Variants in PTPN20 observed in about 807,000 individuals in gnomAD.
The protein encoded by PTPN20 is tyrosine-protein phosphatase non-receptor type 20.
Under a neutral mutation model 35.0 loss-of-function variants are expected in PTPN20, and 9 were observed. The ratio of observed to expected loss-of-function variants is 0.26; its 90% CI spans 0.15 to 0.45. The LOEUF is 0.45. Ranked by LOEUF, PTPN20 falls within the 20% of genes least tolerant of loss-of-function variation. PTPN20 has a pLI of 1.00. For missense variants in PTPN20, 111 were observed against 312.5 expected (o/e 0.36, Z 4.86); for synonymous variants, 32 against 100.2 (o/e 0.32, Z 4.06).
At chr10:46,982,374 G>A (rs2136574727) in intron 7 of PTPN20, among the ~76,000 whole-genome samples, 1 of 148,302 alleles carries the variant, frequency 6.7e-6, no homozygotes, top group East Asian at 2.0e-4. Context: ...CTTCTGTTTA[G>A]GGAGCTTTCC....
intron 9 of PTPN20, among the ~76,000 whole-genome samples, chr10:46,999,358 G>A (rs1321832688): frequency 1.3e-5 from 2 of 152,148 alleles, no homozygotes; most frequent in African/African-American, 4.8e-5. Flanking sequence ...TGCTGTGCCA[G>A]TGTCAAATTG....
chr10:47,002,235 C>T lies in PTPN20; in HGVS notation c.*1494C>T, dbSNP rs2060104357. ...TTGTATCTCTAATTTTATTTTCTCT[C>T]TGTTACTGTAAAATAATAGCTATAA... On this transcript the variant is annotated 3_prime_UTR_variant, in exon 11 of 11. Transcript: ENST00000374339. 1 of 152,186 alleles carries T rather than the reference C, an allele frequency of 6.6e-6. No individual in the cohort carries two copies. Among genetic ancestry groups the T allele is most frequent in the Admixed American group, 6.6e-5 (1 of 15,222 alleles). The allele number at this position is 152,186 out of a possible 1,614,324, so 9.4% of individuals were successfully genotyped here.
Position 46,999,793 on chromosome 10 carries a change from G to C in PTPN20, c.1135-119G>C, listed in dbSNP as rs1262093726. ...AGTTAAAAATAGCACATTTTCTTGT[G>C]AGTGAAAATGAGATCTTTCTGATTA... On this transcript the variant is annotated intron_variant, in intron 9 of 10. Transcript: ENST00000374339. 5.0e-6 allele frequency: 6 copies of C among 1,194,576 alleles called. No homozygotes were observed. The African/African-American group carries it at 6.1e-5, about 12-fold the overall frequency. 74.0% of individuals were successfully genotyped at this position (1,194,576 alleles called of 1,614,324 possible).
chr10:46,979,908 A>G (rs2054808651), intron 7 of PTPN20, among the ~76,000 whole-genome samples: 5 of 150,292 alleles, frequency 3.3e-5, no homozygotes, highest in Admixed American at 6.7e-5. Flanking sequence ...CTTCAGCCCT[A>G]TGTTGTAATT....
At chr10:46,954,439 AG>A in intron 5 of PTPN20, among the ~76,000 whole-genome samples, 1 of 147,486 alleles carries the variant, frequency 6.8e-6, no homozygotes, top group East Asian at 2.0e-4. Context: ...TAATTGATAT[AG>A]GACTATTTAG....
chr10:46,996,177 A>T (rs1191929333), intron 9 of PTPN20, among the ~76,000 whole-genome samples: 2 of 152,234 alleles, frequency 1.3e-5, no homozygotes, highest in African/African-American at 4.8e-5. Context: ...TGGAAATAAC[A>T]CAAGTGTAGT....
Position 47,001,840 on chromosome 10 carries a change from G to A in PTPN20, c.*1099G>A, listed in dbSNP as rs1459957450. 1 of 152,038 alleles carries A rather than the reference G, an allele frequency of 6.6e-6. No individual in the cohort carries two copies. The highest frequency in any genetic ancestry group is 1.5e-5 in the Non-Finnish European group (1 of 67,980). 9.4% of individuals were successfully genotyped at this position (152,038 alleles called of 1,614,324 possible). ...CATTATTACAGTAATTTTATTATAG[G>A]ACTTTGCCTCGTACAATTAATAGTG... On this transcript the variant is annotated 3_prime_UTR_variant, in exon 11 of 11. Coordinates refer to ENST00000374339, the MANE Select transcript of PTPN20 (RefSeq NM_001042357.5).
At chr10:46,976,580 T>C (rs1589759693) in intron 7 of PTPN20, among the ~76,000 whole-genome samples, 2 of 120,076 alleles carry the variant, frequency 1.7e-5, no homozygotes, top group East Asian at 4.6e-4. Flanking sequence ...ATGAGAAATA[T>C]GCTCTTTTAT....
chr10:46,952,691 T>G (rs2047055623), intron 5 of PTPN20, among the ~76,000 whole-genome samples: 1 of 151,198 alleles, frequency 6.6e-6, no homozygotes, highest in African/African-American at 2.5e-5. Flanking sequence ...TTCCTCAAGA[T>G]CTAAGTCATT....
intron 5 of PTPN20, among the ~76,000 whole-genome samples, chr10:46,949,525 C>T (rs1231705640): frequency 6.6e-6 from 1 of 151,956 alleles, no homozygotes; most frequent in African/African-American, 2.4e-5. Flanking sequence ...CCTCAGCTCT[C>T]TAATGGGTTC....
At chr10:46,994,525 G>A (rs1337944035) in intron 9 of PTPN20, among the ~76,000 whole-genome samples, 3 of 151,502 alleles carry the variant, frequency 2.0e-5, no homozygotes, top group Admixed American at 6.6e-5. Context: ...TAGTAGAGAC[G>A]GGGTTTCACC....
chr10:46,993,008 T>C (rs2058288016), intron 9 of PTPN20, among the ~76,000 whole-genome samples: 1 of 152,220 alleles, frequency 6.6e-6, no homozygotes, highest in African/African-American at 2.4e-5. Flanking sequence ...ATGGGATATT[T>C]ATTAATACTT....
At chr10:46,922,904 G>A (rs1343828578) in intron 1 of PTPN20, among the ~76,000 whole-genome samples, 3 of 123,856 alleles carry the variant, frequency 2.4e-5, no homozygotes, top group Non-Finnish European at 4.8e-5. Context: ...GTCCATAGGA[G>A]AGAAACTTTG....
At chr10:46,933,477 A>G (rs2040429287) in intron 2 of PTPN20, among the ~76,000 whole-genome samples, 1 of 148,626 alleles carries the variant, frequency 6.7e-6, no homozygotes, top group Non-Finnish European at 1.5e-5. Flanking sequence ...TCCTTCCTCT[A>G]TACCCTGGAA....
chr10:47,000,843 A>G lies in PTPN20; in HGVS notation c.*102A>G, dbSNP rs1012985942. On this transcript the variant is annotated 3_prime_UTR_variant, in exon 11 of 11. Coordinates refer to ENST00000374339, the MANE Select transcript of PTPN20 (RefSeq NM_001042357.5). ...GCTGAAGGGCTTTGCTATGCATACA[A>G]TCTGCTTTCTTGGTTTATCAGTTTA... 27 of 1,390,448 alleles carry G rather than the reference A, an allele frequency of 1.9e-5. No individual in the cohort carries two copies. The highest frequency in any genetic ancestry group is 1.8e-4 in the African/African-American group (13 of 70,414). The allele number at this position is 1,390,448 out of a possible 1,614,324, so 86.1% of individuals were successfully genotyped here.
intron 7 of PTPN20, among the ~76,000 whole-genome samples, chr10:46,968,767 C>T (rs1164408787): frequency 1.4e-5 from 2 of 138,000 alleles, no homozygotes; most frequent in African/African-American, 5.7e-5. Flanking sequence ...CTTATGTAAT[C>T]ACCAAGTTCA....
rs1433972456 is a variant in PTPN20, at chr10:46,968,555, T to A, written c.583+508T>A. ...TGTTGGATGGGAGGGTAGTGGCACC[T>A]TCTGTCCTCCTCACTCAGTTACTCT... On this transcript the variant is annotated intron_variant, in intron 7 of 10. Transcript: ENST00000374339. Among the ~76,000 whole-genome samples, 3 of 152,232 alleles carry A rather than the reference T, an allele frequency of 2.0e-5. 1 individual carries two copies. Among genetic ancestry groups the A allele is most frequent in the African/African-American group, 7.2e-5 (3 of 41,446 alleles).
intron 1 of PTPN20, among the ~76,000 whole-genome samples, chr10:46,915,961 A>G: frequency 6.2e-5 from 1 of 16,184 alleles, no homozygotes; most frequent in Non-Finnish European, 9.6e-5. Context: ...GTGCAGCTGA[A>G]ATTGGGAATC....
intron 7 of PTPN20, among the ~76,000 whole-genome samples, chr10:46,976,020 C>T (rs1324208327): frequency 5.3e-5 from 8 of 150,148 alleles, no homozygotes; most frequent in African/African-American, 1.5e-4. Flanking sequence ...CATAGCTCAC[C>T]GAAACCTCAA....
Sources: allele counts gnomAD v4.1 joint callset (sites outside exome capture counted in the v4.1 genomes callset), GRCh38; gene constraint gnomAD v4.1.1; transcripts MANE v1.5; gene names NCBI Gene and HGNC (gene_info 2026-07-23, HGNC 2026-07-21).